Variants in NLK observed in about 807,000 individuals in gnomAD.
NLK encodes nemo like kinase.
NLK carries 11 observed loss-of-function variants against 59.0 expected under a neutral mutation model. The observed-to-expected ratio is 0.19, with a 90% CI of 0.12 to 0.31. NLK has a LOEUF of 0.31. Among genes scored for constraint, NLK ranks in the 10% least tolerant of loss-of-function variants. The probability of loss-of-function intolerance (pLI) is 1.00; values close to 1 mark genes in which losing one functional copy is unlikely to be tolerated. For missense variants in NLK, 410 were observed against 661.1 expected (o/e 0.62, Z 4.16); for synonymous variants, 235 against 235.9 (o/e 1.00, Z 0.03).
intron 3 of NLK, among the ~76,000 whole-genome samples, chr17:28,154,991 C>T (rs2142042310): frequency 6.6e-6 from 1 of 152,270 alleles, no homozygotes; most frequent in South Asian, 2.1e-4. Flanking sequence ...GAGCCAAGAT[C>T]ACAGCACAGC....
chr17:28,153,016 G>GTAA (rs1365561785), intron 3 of NLK, among the ~76,000 whole-genome samples: 1 of 151,536 alleles, frequency 6.6e-6, no homozygotes, highest in Non-Finnish European at 1.5e-5. Flanking sequence ...GCTCATGCCT[G>GTAA]TAATCCCAGC....
At chr17:28,082,050 T>C (rs1910364456) in intron 1 of NLK, among the ~76,000 whole-genome samples, 1 of 152,168 alleles carries the variant, frequency 6.6e-6, no homozygotes, top group Admixed American at 6.5e-5. Context: ...CCTACCATTA[T>C]GTCTGGCTAA....
chr17:28,169,279 C>T (rs1264141164), intron 6 of NLK, among the ~76,000 whole-genome samples: 1 of 152,206 alleles, frequency 6.6e-6, no homozygotes, highest in Non-Finnish European at 1.5e-5. Context: ...GGCCTCTCTT[C>T]CTTCTAAGTG....
At chr17:28,187,607 C>T (rs536782082) in intron 8 of NLK, among the ~76,000 whole-genome samples, 3 of 152,146 alleles carry the variant, frequency 2.0e-5, no homozygotes, top group Admixed American at 6.5e-5. Flanking sequence ...GCCTAGAGAT[C>T]CCATGTTTAT....
intron 1 of NLK, among the ~76,000 whole-genome samples, chr17:28,067,081 TACAA>T (rs1490133797): frequency 1.3e-5 from 2 of 152,228 alleles, no homozygotes; most frequent in African/African-American, 2.4e-5. Context: ...TCTTTTGCAA[TACAA>T]ACATTTTAAT....
intron 7 of NLK, among the ~76,000 whole-genome samples, chr17:28,184,457 A>C (rs1909035762): frequency 6.6e-6 from 1 of 152,022 alleles, no homozygotes; most frequent in African/African-American, 2.4e-5. Context: ...GTTTCTATAA[A>C]CTCAAGCTTC....
At chr17:28,159,111 CA>C (rs1163935794) in intron 3 of NLK, among the ~76,000 whole-genome samples, 1 of 152,066 alleles carries the variant, frequency 6.6e-6, no homozygotes, top group African/African-American at 2.4e-5. Flanking sequence ...AAGTACAGTC[CA>C]TGCAGAGGGA....
intron 1 of NLK, among the ~76,000 whole-genome samples, chr17:28,118,231 A>T (rs1363139363): frequency 6.6e-6 from 1 of 152,156 alleles, no homozygotes; most frequent in Non-Finnish European, 1.5e-5. Context: ...TGTTACTGAG[A>T]TATGTACTCA....
the NLK span, among the ~76,000 whole-genome samples, chr17:28,202,602 TAAA>T: frequency 1.3e-5 from 2 of 152,176 alleles, no homozygotes; most frequent in Non-Finnish European, 1.5e-5. Flanking sequence ...GTTGACCTCA[TAAA>T]ATGAACTGGG....
At chr17:28,072,576 T>C (rs1046067074) in intron 1 of NLK, among the ~76,000 whole-genome samples, 2 of 152,080 alleles carry the variant, frequency 1.3e-5, no homozygotes, top group Non-Finnish European at 2.9e-5. Flanking sequence ...CGCTGATCTT[T>C]TTAAATTTGT....
chr17:28,198,614 C>T (rs755262405), downstream of NLK, among the ~76,000 whole-genome samples: 103 of 152,272 alleles, frequency 6.8e-4, no homozygotes, highest in Non-Finnish European at 9.3e-4. Context: ...CGTGAGCCAC[C>T]GTGCCTGGCC....
chr17:28,097,557 A>G (rs951838780), intron 1 of NLK, among the ~76,000 whole-genome samples: 2 of 152,190 alleles, frequency 1.3e-5, no homozygotes, highest in Non-Finnish European at 2.9e-5. Flanking sequence ...CTCAGTTTGA[A>G]TATCTGAACC....
At chr17:28,127,399 T>C (rs986020733) in intron 2 of NLK, among the ~76,000 whole-genome samples, 2 of 152,212 alleles carry the variant, frequency 1.3e-5, no homozygotes, top group Non-Finnish European at 2.9e-5. Context: ...AAAACAGATA[T>C]GGCCTATCTT....
intron 1 of NLK, among the ~76,000 whole-genome samples, chr17:28,080,997 C>T (rs1910325119): frequency 6.6e-6 from 1 of 151,766 alleles, no homozygotes; most frequent in Non-Finnish European, 1.5e-5. Flanking sequence ...TCAATCGATC[C>T]ACCCACTTCA....
At chr17:28,055,365 A>T (rs2142739907) in intron 1 of NLK, among the ~76,000 whole-genome samples, 1 of 152,032 alleles carries the variant, frequency 6.6e-6, no homozygotes, top group East Asian at 1.9e-4. Flanking sequence ...TGCTGGGATT[A>T]CAGGCATGAG....
intron 1 of NLK, among the ~76,000 whole-genome samples, chr17:28,068,710 C>T (rs1909915132): frequency 6.6e-6 from 1 of 152,086 alleles, no homozygotes; most frequent in South Asian, 2.1e-4. Flanking sequence ...GACAAGATCT[C>T]TTTCTGTTGC....
chr17:28,111,301 C>T (rs1905466870), intron 1 of NLK, among the ~76,000 whole-genome samples: 1 of 152,092 alleles, frequency 6.6e-6, no homozygotes, highest in Non-Finnish European at 1.5e-5. Context: ...ATTCTCCTGC[C>T]TCAGCCTCCC....
Position 28,123,069 on chromosome 17 carries a change from C to T in NLK, c.588+337C>T, listed in dbSNP as rs140755715. ...CACTATTGAGATTAGTGGTTTTCAA[C>T]CTTAACATATTAGACTCACCTGGGG... On this transcript the variant is annotated intron_variant, in intron 2 of 10. Transcript: ENST00000407008. Among the ~76,000 whole-genome samples the T allele has an allele frequency of 2.5e-4, 38 of 152,188 alleles. No individual in the cohort carries two copies. In the East Asian group the frequency reaches 6.8e-3, roughly 27 times the overall value.
chr17:28,063,741 TAGG>T (rs1342009634), intron 1 of NLK, among the ~76,000 whole-genome samples: 4 of 152,130 alleles, frequency 2.6e-5, no homozygotes, highest in Middle Eastern at 3.2e-3. Flanking sequence ...TTGCGACAAA[TAGG>T]AGGTTAGCAG....
Sources: allele counts gnomAD v4.1 joint callset (sites outside exome capture counted in the v4.1 genomes callset), GRCh38; gene constraint gnomAD v4.1.1; transcripts MANE v1.5; gene names NCBI Gene and HGNC (gene_info 2026-07-23, HGNC 2026-07-21).